The following TBC1D31 variants were observed in gnomAD, a reference collection of about 807,000 sequenced individuals.
TBC1D31 encodes WD repeat domain 67.
Under a neutral mutation model 132.9 loss-of-function variants are expected in TBC1D31, and 99 were observed. That is an observed-to-expected ratio of 0.74 (90% CI 0.63 to 0.88). TBC1D31 has a LOEUF of 0.88. Ranked by LOEUF, TBC1D31 falls within the 40% of genes least tolerant of loss-of-function variation. The pLI is 0.00. For missense variants in TBC1D31, 1,134 were observed against 1,256.6 expected, an observed-to-expected ratio of 0.90 and a Z score of 1.48; for synonymous variants, 385 against 419.4, an observed-to-expected ratio of 0.92 and a Z score of 1.00.
chr8:123,091,841 G>C (rs950256507), intron 4 of TBC1D31, among the ~76,000 whole-genome samples: 3 of 152,160 alleles, frequency 2.0e-5, no homozygotes, highest in African/African-American at 7.2e-5. Context: ...AAAATTAGGA[G>C]AATAAAGTGA....
the TBC1D31 span, among the ~76,000 whole-genome samples, chr8:123,164,725 A>C: frequency 6.6e-6 from 1 of 151,582 alleles, no homozygotes; most frequent in African/African-American, 2.4e-5. Flanking sequence ...CCATCTCAAA[A>C]AAAAAAAAGA....
At chr8:123,115,234 A>T (rs1358187251) in intron 10 of TBC1D31, among the ~76,000 whole-genome samples, 1 of 152,198 alleles carries the variant, frequency 6.6e-6, no homozygotes, top group African/African-American at 2.4e-5. Flanking sequence ...TGTCAGTCTG[A>T]GAGTCAGTCA....
intron 11 of TBC1D31, among the ~76,000 whole-genome samples, chr8:123,123,983 G>A (rs1819760042): frequency 6.6e-6 from 1 of 151,796 alleles, no homozygotes; most frequent in South Asian, 2.1e-4. Context: ...TTTTGAATGG[G>A]GATAGTAGTT....
intron 15 of TBC1D31, among the ~76,000 whole-genome samples, chr8:123,129,442 A>G (rs1354023169): frequency 3.3e-5 from 5 of 152,252 alleles, no homozygotes; most frequent in Non-Finnish European, 1.5e-5. Flanking sequence ...GCTGAATATA[A>G]TATAGCTTTG....
chr8:123,078,866 A>C (rs530579635), intron 2 of TBC1D31, among the ~76,000 whole-genome samples: 2 of 152,202 alleles, frequency 1.3e-5, no homozygotes, highest in East Asian at 3.8e-4. Context: ...ATACTTATTA[A>C]TTATAGAAGA....
intron 4 of TBC1D31, among the ~76,000 whole-genome samples, chr8:123,090,677 A>G (rs900995701): frequency 2.0e-5 from 3 of 152,214 alleles, no homozygotes; most frequent in African/African-American, 7.2e-5. Flanking sequence ...TCACACCTGT[A>G]ATCCCAGCAC....
chr8:123,114,881 A>G (rs1421944143), intron 10 of TBC1D31, among the ~76,000 whole-genome samples: 2 of 152,200 alleles, frequency 1.3e-5, no homozygotes, highest in African/African-American at 4.8e-5. Flanking sequence ...TTTGCCGCTT[A>G]TCTTCCTTTT....
In TBC1D31 at chr8:123,109,334, A is replaced by T; in HGVS notation, c.1227A>T (p.Gly409=). The T allele has an allele frequency of 6.3e-7, 1 of 1,597,668 alleles. No homozygotes were observed. The highest frequency in any genetic ancestry group is 8.6e-7 in the Non-Finnish European group (1 of 1,167,324). ...CTTTGTAGAATGAATTACCAGATGGATTAAACAAAAAGCGTTTACAAATCT... is the reference window on the plus strand; with the variant it reads ...CTTTGTAGAATGAATTACCAGATGGTTTAAACAAAAAGCGTTTACAAATCT... ...FESKKNELPD[G]LNKKRLQILL... is the part of the protein sequence containing the mutation. The change falls in exon 9 of 22, where the codon GGA becomes GGT. Residue 409 remains glycine (G), a synonymous_variant. Transcript: ENST00000287380.
intron 7 of TBC1D31, 101 bp downstream of exon 7, chr8:123,101,108 A>G: frequency 1.1e-6 from 1 of 903,234 alleles, no homozygotes; most frequent in South Asian, 1.6e-5. Context: ...CTTACCTGGA[A>G]CTTATCCATT....
intron 8 of TBC1D31, 150 bp from the exon 9 acceptor site, chr8:123,109,167 G>T (rs1818229625): frequency 3.3e-6 from 2 of 600,014 alleles, no homozygotes; most frequent in African/African-American, 3.7e-5. Context: ...GAGGGAGAGA[G>T]GGGAGTGGGG....
At chr8:123,103,546 C>T (rs1029806525) in intron 7 of TBC1D31, 7 of 152,294 alleles carry the variant, frequency 4.6e-5, no homozygotes, top group African/African-American at 1.7e-4. Flanking sequence ...CCTCAGCCTC[C>T]CTAGCAGCTG....
intron 11 of TBC1D31, among the ~76,000 whole-genome samples, chr8:123,120,539 G>C (rs1819374721): frequency 6.6e-6 from 1 of 152,090 alleles, no homozygotes; most frequent in Admixed American, 6.5e-5. Context: ...GGGTGTGGTG[G>C]TGCATGCCTA....
At chr8:123,077,012 G>A (rs1814596312) in intron 1 of TBC1D31, 99 bp from the exon 2 acceptor site, 3 of 1,178,708 alleles carry the variant, frequency 2.5e-6, no homozygotes, top group East Asian at 5.2e-5. Context: ...CAGTAGGAGA[G>A]GGAAGAATGA....
intron 6 of TBC1D31, among the ~76,000 whole-genome samples, chr8:123,098,545 C>T (rs1586607972): frequency 6.6e-6 from 1 of 152,230 alleles, no homozygotes; most frequent in African/African-American, 2.4e-5. Flanking sequence ...GCCTCAGCCT[C>T]CCAAAGTGCT....
At chr8:123,147,451 C>G (rs978318619) in intron 20 of TBC1D31, among the ~76,000 whole-genome samples, 1 of 152,066 alleles carries the variant, frequency 6.6e-6, no homozygotes, top group African/African-American at 2.4e-5. Flanking sequence ...GGATTACAGG[C>G]GTGATCCACC....
Position 123,129,323 on chromosome 8 carries a change from AC to A in TBC1D31, c.2270+108del, listed in dbSNP as rs1380851590. The A allele has an allele frequency of 7.1e-6, 5 of 702,272 alleles. No individual in the cohort carries two copies. The African/African-American group carries it at 9.2e-5, about 13-fold the overall frequency. The allele number at this position is 702,272 out of a possible 1,614,324, so 43.5% of individuals were successfully genotyped here. A position where few individuals can be genotyped will look rare whatever the true frequency, so the allele number is the denominator to read the frequency against. Reference sequence around the variant, plus strand: ...TAGAAACAACATTATATATAGGATTACCCAGCTGTAGCATTTCTATAAAGCA... The same window carrying A: ...TAGAAACAACATTATATATAGGATTACCAGCTGTAGCATTTCTATAAAGCA... On this transcript the variant is annotated intron_variant, in intron 15 of 21. Transcript: ENST00000287380.
At position 123,126,697 on chromosome 8, in the gene TBC1D31, C is replaced by A. The variant is rs755482467; in HGVS notation, c.1884+10C>A. On this transcript the variant is annotated intron_variant, in intron 13 of 21. Transcript: ENST00000287380. ...TAAAGATGACTTTGAGGTAACGGTC[C>A]TTGTTCTTAAGAGAAGGTTCTCAAA... 111 of 1,589,106 alleles carry A rather than the reference C, an allele frequency of 7.0e-5. No homozygotes were observed. The East Asian group carries it at 2.5e-3, about 35-fold the overall frequency.
At chr8:123,101,645 C>T (rs1235267981) in intron 7 of TBC1D31, among the ~76,000 whole-genome samples, 1 of 152,078 alleles carries the variant, frequency 6.6e-6, no homozygotes, top group Non-Finnish European at 1.5e-5. Context: ...AAACTCCTGA[C>T]CTCATGATCC....
At chr8:123,163,809 C>A in the TBC1D31 span, among the ~76,000 whole-genome samples, 2 of 152,138 alleles carry the variant, frequency 1.3e-5, no homozygotes, top group Admixed American at 6.5e-5. Flanking sequence ...AAAGTGTAGT[C>A]TTTTATCCTT....
Sources: allele counts gnomAD v4.1 joint callset (sites outside exome capture counted in the v4.1 genomes callset), GRCh38; gene constraint gnomAD v4.1.1; transcripts MANE v1.5; gene names NCBI Gene and HGNC (gene_info 2026-07-23, HGNC 2026-07-21).